Variants in RNF130 observed in about 807,000 individuals in gnomAD.
RNF130 encodes ring finger protein 130.
Under a neutral mutation model 44.6 loss-of-function variants are expected in RNF130, and 21 were observed. The ratio of observed to expected loss-of-function variants is 0.47; its 90% CI spans 0.33 to 0.68. The LOEUF is 0.68. Ranked by LOEUF, RNF130 falls within the 30% of genes least tolerant of loss-of-function variation. The pLI, the probability that RNF130 is intolerant of heterozygous loss-of-function variation, is 0.02. For missense variants in RNF130, 479 were observed against 560.6 expected (o/e 0.85, Z 1.47); for synonymous variants, 214 against 210.4 (o/e 1.02, Z -0.15).
chr5:180,036,623 C>A (rs1463618547), intron 2 of RNF130, among the ~76,000 whole-genome samples: 1 of 152,192 alleles, frequency 6.6e-6, no homozygotes, highest in Non-Finnish European at 1.5e-5. Flanking sequence ...ACTGAAATGG[C>A]TGTTTCGTCA....
chr5:179,979,725 A>C (rs1001705244), intron 4 of RNF130, among the ~76,000 whole-genome samples: 1 of 152,172 alleles, frequency 6.6e-6, no homozygotes, highest in Non-Finnish European at 1.5e-5. Context: ...CTCTTCTTTC[A>C]AACTGCTCAA....
At chr5:179,945,743 G>C (rs1391937991) in intron 7 of RNF130, among the ~76,000 whole-genome samples, 2 of 152,152 alleles carry the variant, frequency 1.3e-5, no homozygotes, top group Admixed American at 1.3e-4. Flanking sequence ...CTTATGAGCG[G>C]TGTCCGGCCT....
intron 7 of RNF130, among the ~76,000 whole-genome samples, chr5:179,939,109 T>TG (rs1157428742): frequency 6.6e-6 from 1 of 151,780 alleles, no homozygotes; most frequent in Non-Finnish European, 1.5e-5. Flanking sequence ...CCCAGCTGCT[T>TG]GGGGGGCTGA....
chr5:179,937,197 C>G (rs2113680271), intron 7 of RNF130, among the ~76,000 whole-genome samples: 1 of 152,282 alleles, frequency 6.6e-6, no homozygotes, highest in African/African-American at 2.4e-5. Flanking sequence ...GAAATATCAT[C>G]AAAACGAAAT....
chr5:179,975,924 C>A (rs960460124), intron 5 of RNF130, among the ~76,000 whole-genome samples: 16 of 152,244 alleles, frequency 1.1e-4, no homozygotes, highest in Admixed American at 7.2e-4. Context: ...GAGAATCGGG[C>A]GGGAACTTAT....
chr5:179,978,294 A>T lies in RNF130; in HGVS notation c.766-9T>A, dbSNP rs1435783493. 8.7e-6 allele frequency: 14 copies of T among 1,600,170 alleles called. No homozygotes were observed. The highest frequency in any genetic ancestry group is 1.2e-5 in the Non-Finnish European group (14 of 1,167,412). ...AAGTCTGGGTCAGTTTCCTAAAATG[A>T]AAAGTACAGAAACAAAAAGTCACAC... On this transcript the variant is annotated splice_polypyrimidine_tract_variant and intron_variant, in intron 4 of 8. Coordinates refer to ENST00000521389, the MANE Select transcript of RNF130 (RefSeq NM_018434.6).
intron 3 of RNF130, among the ~76,000 whole-genome samples, chr5:180,012,599 A>G (rs1763619308): frequency 6.6e-6 from 1 of 152,152 alleles, no homozygotes; most frequent in African/African-American, 2.4e-5. Context: ...CCCATGTCTG[A>G]GCTTAGATGA....
Position 180,071,680 on chromosome 5 carries a change from C to A in RNF130, c.23G>T (p.Gly8Val), listed in dbSNP as rs1397084957. The change falls in exon 1 of 9, where the codon GGC (glycine) becomes GTC (valine). Residue 8 changes from glycine to valine, a missense_variant. Transcript: ENST00000521389. MSCAGRAGPARLAALALL... is the reference protein window; with the variant it reads MSCAGRAVPARLAALALL... ...GGCGAGCGCGGCGAGCCGGGCAGGG[C>A]CCGCCCGCCCCGCGCAGCTCATCGT... is the stretch of plus-strand genomic sequence containing the variant. 5.0e-6 allele frequency: 7 copies of A among 1,397,874 alleles called. No individual in the cohort carries two copies. The African/African-American group carries it at 9.0e-5, about 18-fold the overall frequency. 86.6% of individuals were successfully genotyped at this position (1,397,874 alleles called of 1,614,324 possible).
At chr5:180,053,011 T>C (rs1582223109) in intron 1 of RNF130, among the ~76,000 whole-genome samples, 1 of 152,256 alleles carries the variant, frequency 6.6e-6, no homozygotes, top group Non-Finnish European at 1.5e-5. Context: ...AAGGATTTTA[T>C]GTCAAGATAA....
At chr5:180,005,152 G>C (rs1763435025) in intron 3 of RNF130, among the ~76,000 whole-genome samples, 1 of 152,198 alleles carries the variant, frequency 6.6e-6, no homozygotes, top group South Asian at 2.1e-4. Flanking sequence ...TGATGGCCCG[G>C]CGTGGTGGCT....
chr5:179,995,625 T>C (rs1763182905), intron 3 of RNF130, among the ~76,000 whole-genome samples: 1 of 152,238 alleles, frequency 6.6e-6, no homozygotes, highest in Non-Finnish European at 1.5e-5. Context: ...TTGTTCCTTC[T>C]CAATGTCTCT....
At chr5:179,933,398 T>TTGTTTGTGTGTGTGTGTGTGTG (rs1554100040) in intron 7 of RNF130, among the ~76,000 whole-genome samples, 6 of 143,504 alleles carry the variant, frequency 4.2e-5, no homozygotes, top group African/African-American at 1.6e-4. Context: ...ATAACCCTAT[T>TTGTTTGTGTGTGTGTGTGTGTG]TGTGTGTGTG....
At chr5:180,017,522 T>C (rs1250567184) in intron 2 of RNF130, among the ~76,000 whole-genome samples, 1 of 152,214 alleles carries the variant, frequency 6.6e-6, no homozygotes, top group African/African-American at 2.4e-5. Flanking sequence ...GACAATGGTA[T>C]TTGTAAAATT....
chr5:179,919,379 T>C (rs970978268), exon 8 of RNF130: 1 of 152,460 alleles, frequency 6.6e-6, no homozygotes, highest in Non-Finnish European at 1.5e-5. Flanking sequence ...CAGTGGACAG[T>C]GAAGATGGGT....
intron 2 of RNF130, among the ~76,000 whole-genome samples, chr5:180,033,790 G>A (rs1251840997): frequency 2.6e-5 from 4 of 151,642 alleles, no homozygotes; most frequent in African/African-American, 9.7e-5. Flanking sequence ...ATTACATCTA[G>A]TGGTTTTTAA....
intron 2 of RNF130, among the ~76,000 whole-genome samples, chr5:180,029,998 C>A (rs1265762609): frequency 6.6e-6 from 1 of 150,964 alleles, no homozygotes; most frequent in East Asian, 2.0e-4. Flanking sequence ...TAGGTGTGTA[C>A]CACCACGCCC....
At chr5:179,968,067 G>A (rs766562016) in intron 6 of RNF130, among the ~76,000 whole-genome samples, 2 of 152,164 alleles carry the variant, frequency 1.3e-5, no homozygotes, top group African/African-American at 2.4e-5. Context: ...AGGCCGAGGC[G>A]GGCAGATCAC....
intron 1 of RNF130, among the ~76,000 whole-genome samples, chr5:180,046,175 T>C (rs1220455097): frequency 6.6e-6 from 1 of 152,178 alleles, no homozygotes; most frequent in African/African-American, 2.4e-5. Flanking sequence ...CCTCCGCAGC[T>C]GCTGGCCCAG....
intron 6 of RNF130, among the ~76,000 whole-genome samples, chr5:179,969,665 G>T (rs1198291188): frequency 2.0e-5 from 3 of 151,794 alleles, no homozygotes; most frequent in Admixed American, 2.0e-4. Flanking sequence ...GCCAGGAGTT[G>T]AGACCCGCCT....
Sources: allele counts gnomAD v4.1 joint callset (sites outside exome capture counted in the v4.1 genomes callset), GRCh38; gene constraint gnomAD v4.1.1; transcripts MANE v1.5; gene names NCBI Gene and HGNC (gene_info 2026-07-23, HGNC 2026-07-21).